The following ACTL8 variants were observed in gnomAD, a reference collection of about 807,000 sequenced individuals.
The protein encoded by ACTL8 is actin-like protein 8.
A neutral mutation model predicts 9.3 loss-of-function variants in ACTL8; 3 were observed. The ratio of observed to expected loss-of-function variants is 0.32; its 90% CI spans 0.15 to 0.83. The LOEUF (loss-of-function observed/expected upper bound fraction) is 0.83, where lower values mean the gene tolerates loss of function less well. Ranked by LOEUF, ACTL8 falls within the 40% of genes least tolerant of loss-of-function variation. The pLI, the probability that ACTL8 is intolerant of heterozygous loss-of-function variation, is 0.57. For missense variants in ACTL8, 381 were observed against 492.2 expected (o/e 0.77, Z 2.14); for synonymous variants, 224 against 205.9 (o/e 1.09, Z -0.75).
intron 1 of ACTL8, among the ~76,000 whole-genome samples, chr1:17,783,442 TG>T (rs1208306744): frequency 6.6e-6 from 1 of 151,246 alleles, no homozygotes; most frequent in Non-Finnish European, 1.5e-5. Context: ...GTGAAGGTGG[TG>T]GTCCGTATTT....
At chr1:17,805,377 CTTTTTTTT>C (rs56870755) in intron 1 of ACTL8, among the ~76,000 whole-genome samples, 10,095 of 100,184 alleles carry the variant, frequency 0.1, 514 homozygotes, top group Middle Eastern at 0.17. Context: ...TTTTCTTTTT[CTTTTTTTT>C]TTTTTTTTTT....
At chr1:17,796,196 G>T (rs1164314663) in intron 1 of ACTL8, among the ~76,000 whole-genome samples, 1 of 152,158 alleles carries the variant, frequency 6.6e-6, no homozygotes. Flanking sequence ...CTCTGCTGGG[G>T]ATGGTTTGGT....
chr1:17,788,335 C>G (rs1047638873), intron 1 of ACTL8, among the ~76,000 whole-genome samples: 1 of 152,226 alleles, frequency 6.6e-6, no homozygotes, highest in African/African-American at 2.4e-5. Context: ...TGCCACATGC[C>G]TACCTTCCTT....
chr1:17,826,384 C>T lies in ACTL8; in HGVS notation c.966C>T (p.Ser322=), dbSNP rs769054434. The T allele has an allele frequency of 1.9e-6, 3 of 1,614,154 alleles. No individual in the cohort carries two copies. In the Admixed American group the frequency reaches 5.0e-5, roughly 27 times the overall value. ...FRELMGDHVS[S]TKATVWEGSN... is the part of the protein sequence containing the mutation. ...AGCTGATGGGGGATCACGTCTCCTCCACCAAGGCCACAGTCTGGGAGGGTT... is the reference window on the plus strand; with the variant it reads ...AGCTGATGGGGGATCACGTCTCCTCTACCAAGGCCACAGTCTGGGAGGGTT... Residue 322 remains serine, a synonymous_variant, in exon 3 of 3, where the codon TCC becomes TCT. Coordinates refer to ENST00000375406, the MANE Select transcript of ACTL8 (RefSeq NM_030812.3). The surrounding 1 kb of genome is among the most constrained non-coding windows in gnomAD (Gnocchi z 4.5).
chr1:17,825,675 T>C, intron 2 of ACTL8, 92 bp from the exon 3 acceptor site: 3 of 1,484,098 alleles, frequency 2.0e-6, no homozygotes, highest in Non-Finnish European at 2.7e-6. Context: ...AGCCCGAGAG[T>C]CCCCCCGAGG....
intron 1 of ACTL8, among the ~76,000 whole-genome samples, chr1:17,785,108 G>A (rs2066186429): frequency 6.6e-6 from 1 of 152,074 alleles, no homozygotes; most frequent in Non-Finnish European, 1.5e-5. Flanking sequence ...CCTCCCACTG[G>A]GTCCCTCCCA....
intron 1 of ACTL8, 54 bp downstream of exon 1, chr1:17,755,558 T>C (rs2065961085): frequency 7.3e-6 from 1 of 137,762 alleles, no homozygotes; most frequent in African/African-American, 2.7e-5. Context: ...CCCTGACTGT[T>C]TTTTTTTTTT....
intron 1 of ACTL8, among the ~76,000 whole-genome samples, chr1:17,763,411 A>G (rs1490019214): frequency 6.6e-6 from 1 of 152,082 alleles, no homozygotes; most frequent in African/African-American, 2.4e-5. Context: ...AGGTGCTGGC[A>G]TCCCTGGTTC....
At chr1:17,763,859 C>T (rs2066025329) in intron 1 of ACTL8, among the ~76,000 whole-genome samples, 1 of 152,076 alleles carries the variant, frequency 6.6e-6, no homozygotes, top group South Asian at 2.1e-4. Flanking sequence ...AGGGGTTGGC[C>T]CTCTGGAAAC....
At chr1:17,777,385 C>A (rs533481631) in intron 1 of ACTL8, among the ~76,000 whole-genome samples, 1 of 152,240 alleles carries the variant, frequency 6.6e-6, no homozygotes, top group African/African-American at 2.4e-5. Flanking sequence ...ATCCTTCATC[C>A]CTCAGCCCCA....
At chr1:17,803,134 C>T (rs1009762243) in intron 1 of ACTL8, among the ~76,000 whole-genome samples, 2 of 151,970 alleles carry the variant, frequency 1.3e-5, no homozygotes, top group Non-Finnish European at 2.9e-5. Flanking sequence ...AGGCGGTTAC[C>T]CCCATGCTAT....
In ACTL8 at chr1:17,757,250, C is replaced by A. The variant is rs562061159; in HGVS notation, c.-25+1746C>A. 7.9e-4 allele frequency among the ~76,000 whole-genome samples: 105 copies of A among 132,114 alleles called. 1 individual carries two copies. Among genetic ancestry groups the A allele is most frequent in the Middle Eastern group, 4.2e-3 (1 of 240 alleles). The allele number at this position is 132,114 out of a possible 152,430, so 86.7% of individuals were successfully genotyped here. ...TCTGAGAATCAGACAGCTTCCATGG[C>A]AGCCCTTAAGGAAGTTCTTATTTCT... On this transcript the variant is annotated intron_variant, in intron 1 of 2. Transcript: ENST00000375406.
chr1:17,815,848 A>T (rs1047605372), intron 1 of ACTL8, among the ~76,000 whole-genome samples: 1 of 151,908 alleles, frequency 6.6e-6, no homozygotes, highest in African/African-American at 2.4e-5. Flanking sequence ...TGCTCAGTAA[A>T]TTTTTTTCTC....
chr1:17,818,430 C>T (rs2066443419), intron 1 of ACTL8, among the ~76,000 whole-genome samples: 1 of 152,216 alleles, frequency 6.6e-6, no homozygotes, highest in African/African-American at 2.4e-5. Context: ...CATGCCATTC[C>T]TCTGGCCAAG....
At chr1:17,807,071 C>G (rs139956152) in intron 1 of ACTL8, among the ~76,000 whole-genome samples, 106 of 152,326 alleles carry the variant, frequency 7.0e-4, no homozygotes, top group African/African-American at 2.5e-3. Flanking sequence ...GTTGCTGCAT[C>G]TGCACATCTT....
chr1:17,826,111 C>T lies in ACTL8; in HGVS notation c.693C>T (p.Ala231=). 1.2e-6 allele frequency: 2 copies of T among 1,610,314 alleles called. No individual in the cohort carries two copies. Among genetic ancestry groups the T allele is most frequent in the South Asian group, 1.1e-5 (1 of 91,082 alleles). Residue 231 remains alanine (A), a synonymous_variant, in exon 3 of 3, where the codon GCC becomes GCT. Transcript: ENST00000375406. The surrounding 1 kb of genome is among the most constrained non-coding windows in gnomAD (Gnocchi z 4.5). ...ACTTTCGTGAGAGGCAGCAGAGTGCCTTGGATGAGAGCAACACCTATCAGC... is the reference window on the plus strand; with the variant it reads ...ACTTTCGTGAGAGGCAGCAGAGTGCTTTGGATGAGAGCAACACCTATCAGC... ...ALDFRERQQS[A]LDESNTYQLP... is the part of the protein sequence containing the mutation.
intron 1 of ACTL8, among the ~76,000 whole-genome samples, chr1:17,788,500 T>C (rs1350775469): frequency 1.3e-5 from 2 of 152,220 alleles, no homozygotes; most frequent in Admixed American, 6.5e-5. Flanking sequence ...CTGAGGAAGA[T>C]CACTGCCTGC....
intron 1 of ACTL8, among the ~76,000 whole-genome samples, chr1:17,817,189 ATT>A (rs34552700): frequency 4.4e-5 from 6 of 136,806 alleles, no homozygotes; most frequent in African/African-American, 1.6e-4. Context: ...CCTTAATGCC[ATT>A]TTTTTTTTTT....
At chr1:17,771,409 A>G (rs1454619584) in intron 1 of ACTL8, among the ~76,000 whole-genome samples, 1 of 152,218 alleles carries the variant, frequency 6.6e-6, no homozygotes, top group Admixed American at 6.5e-5. Context: ...GACTCCTAGT[A>G]TAGAATAATG....
Sources: gnomAD v4.1 joint callset for allele counts (sites outside exome capture counted in the v4.1 genomes callset) on GRCh38, gnomAD v4.1.1 for gene constraint, Gnocchi (gnomAD v3.1) non-coding constraint, MANE v1.5 for transcripts, NCBI Gene and HGNC (gene_info 2026-07-23, HGNC 2026-07-21) for gene names.